The following PDE3B variants were observed in gnomAD, a reference collection of about 807,000 sequenced individuals.
The protein encoded by PDE3B is phosphodiesterase 3B.
In PDE3B, 66 loss-of-function variants were observed where a neutral mutation model predicts 116.8. The observed-to-expected ratio is 0.56, with a 90% confidence interval of 0.46 to 0.69. PDE3B has a LOEUF of 0.69. Among genes scored for constraint, PDE3B ranks in the 30% least tolerant of loss-of-function variants. The pLI is 0.00. For synonymous variants in PDE3B, 595 were observed against 533.6 expected (o/e 1.12, Z -1.59); for missense variants, 1,384 against 1,368.1 (o/e 1.01, Z -0.18).
rs1180659983 is a variant in PDE3B, at chr11:14,644,557, G to A, written c.482G>A (p.Cys161Tyr). Residue 161 changes from cysteine to tyrosine, a missense_variant, in exon 1 of 16, where the codon TGT (cysteine) becomes TAT (tyrosine). By Grantham distance (194) the Cys-to-Tyr change is radical. Coordinates refer to ENST00000282096, the MANE Select transcript of PDE3B (RefSeq NM_000922.4). ...TGGCTGCTGGCGCTGCCCGCCTGCTGTTACCTGGGGGACTTCTTGGTGTGG... is the reference window on the plus strand; with the variant it reads ...TGGCTGCTGGCGCTGCCCGCCTGCTATTACCTGGGGGACTTCTTGGTGTGG... ...SWWLLALPAC[C>Y]YLGDFLVWQW... 3 of 1,597,946 alleles carry A rather than the reference G, an allele frequency of 1.9e-6. No individual in the cohort carries two copies. Among genetic ancestry groups the A allele is most frequent in the African/African-American group, 1.3e-5 (1 of 74,536 alleles).
chr11:14,856,436 CA>C (rs1466190614), intron 12 of PDE3B, among the ~76,000 whole-genome samples: 1 of 152,136 alleles, frequency 6.6e-6, no homozygotes, highest in Non-Finnish European at 1.5e-5. Flanking sequence ...AAAAAAACAA[CA>C]AAACTAGCTG....
intron 1 of PDE3B, among the ~76,000 whole-genome samples, chr11:14,686,495 T>G (rs1158504986): frequency 6.6e-6 from 1 of 152,176 alleles, no homozygotes; most frequent in African/African-American, 2.4e-5. Flanking sequence ...CAGAGGAAAG[T>G]TTTTCCTTTG....
At chr11:14,663,712 A>G (rs866038832) in intron 1 of PDE3B, among the ~76,000 whole-genome samples, 53 of 152,226 alleles carry the variant, frequency 3.5e-4, no homozygotes, top group African/African-American at 1.1e-3. Context: ...TTCAACAAGA[A>G]GAGCTAACTA....
At chr11:14,897,188 A>G in the PDE3B span, among the ~76,000 whole-genome samples, 1 of 152,272 alleles carries the variant, frequency 6.6e-6, no homozygotes, top group Non-Finnish European at 1.5e-5. Flanking sequence ...GAGGAAGTGT[A>G]TATGTATTTT....
At chr11:14,663,375 C>G (rs933033137) in intron 1 of PDE3B, among the ~76,000 whole-genome samples, 1 of 152,184 alleles carries the variant, frequency 6.6e-6, no homozygotes, top group South Asian at 2.1e-4. Flanking sequence ...TAAAGACCAT[C>G]AAGGCTAGGA....
chr11:14,850,470 C>G (rs902161947), intron 12 of PDE3B, among the ~76,000 whole-genome samples: 1 of 151,766 alleles, frequency 6.6e-6, no homozygotes, highest in Non-Finnish European at 1.5e-5. Flanking sequence ...CACATGTACC[C>G]TAAAACTTAA....
rs1233746312 is a variant in PDE3B at position 14,703,871 on chromosome 11, G to T, written c.978+58818G>T. 1.3e-5 allele frequency among the ~76,000 whole-genome samples: 2 copies of T among 151,526 alleles called. 1 individual carries two copies. Among genetic ancestry groups the T allele is most frequent in the Non-Finnish European group, 3.0e-5 (2 of 67,736 alleles). On this transcript the variant is annotated intron_variant, in intron 1 of 15. Coordinates refer to ENST00000282096, the MANE Select transcript of PDE3B (RefSeq NM_000922.4). ...TTTTTTCAGTTAGAGTCTGTTAGTG[G>T]TAAGTTCTTTTTGTGTTTCTGGAAG...
chr11:14,675,708 G>C (rs373139342), intron 1 of PDE3B, among the ~76,000 whole-genome samples: 7 of 152,186 alleles, frequency 4.6e-5, no homozygotes, highest in African/African-American at 1.7e-4. Context: ...TATATTCAAT[G>C]AATATGTTCC....
chr11:14,858,677 A>G (rs1242380124), intron 12 of PDE3B, among the ~76,000 whole-genome samples: 1 of 152,182 alleles, frequency 6.6e-6, no homozygotes, highest in Non-Finnish European at 1.5e-5. Flanking sequence ...TAGATCCCTA[A>G]TGACTTTATT....
At chr11:14,748,642 A>T (rs1856977014) in intron 1 of PDE3B, among the ~76,000 whole-genome samples, 1 of 152,150 alleles carries the variant, frequency 6.6e-6, no homozygotes, top group South Asian at 2.1e-4. Context: ...CTGATTCTTT[A>T]ATCATTTCAA....
chr11:14,861,374 G>A lies in PDE3B; in HGVS notation c.2886+8G>A. 1 of 1,611,724 alleles carries A rather than the reference G, an allele frequency of 6.2e-7. No individual in the cohort carries two copies. Among genetic ancestry groups the A allele is most frequent in the Non-Finnish European group, 8.5e-7 (1 of 1,178,404 alleles). On this transcript the variant is annotated splice_region_variant and intron_variant, in intron 14 of 15. Coordinates refer to ENST00000282096, the MANE Select transcript of PDE3B (RefSeq NM_000922.4). ...AATGAATTTTATGAGCAGGTAAGTT[G>A]AAACCTGAGCTTGGTGGGATTTTTA...
chr11:14,825,131 C>A (rs1434098766), intron 7 of PDE3B, among the ~76,000 whole-genome samples: 1 of 152,116 alleles, frequency 6.6e-6, no homozygotes, highest in Non-Finnish European at 1.5e-5. Flanking sequence ...TAAAAGAGAT[C>A]TTGAAAAGAG....
intron 1 of PDE3B, among the ~76,000 whole-genome samples, chr11:14,728,537 T>C (rs953402253): frequency 1.1e-4 from 17 of 152,090 alleles, no homozygotes; most frequent in African/African-American, 4.1e-4. Context: ...CACAGAAGTC[T>C]TTCGAGGTAT....
chr11:14,867,779 T>C, intron 15 of PDE3B, 21 bp downstream of exon 15: 1 of 1,563,134 alleles, frequency 6.4e-7, no homozygotes, highest in Non-Finnish European at 8.8e-7. Flanking sequence ...AGGGACATTA[T>C]AATTTATTTA....
intron 4 of PDE3B, among the ~76,000 whole-genome samples, chr11:14,790,235 G>A (rs1858341175): frequency 6.6e-6 from 1 of 151,766 alleles, no homozygotes; most frequent in Non-Finnish European, 1.5e-5. Flanking sequence ...ATTGAATGAA[G>A]TGATGTCTAA....
the PDE3B span, chr11:14,891,013 A>T: frequency 1.0e-6 from 1 of 985,452 alleles, no homozygotes; most frequent in Non-Finnish European, 1.2e-6. Context: ...CCAACTCCTT[A>T]AAAGGCTGTA....
At chr11:14,671,984 T>C (rs1854380529) in intron 1 of PDE3B, among the ~76,000 whole-genome samples, 1 of 147,180 alleles carries the variant, frequency 6.8e-6, no homozygotes, top group African/African-American at 2.5e-5. Context: ...GGTACTGTAC[T>C]CCAGCCTGGG....
chr11:14,791,707 T>C (rs943390357), intron 4 of PDE3B, among the ~76,000 whole-genome samples: 1 of 152,122 alleles, frequency 6.6e-6, no homozygotes, highest in African/African-American at 2.4e-5. Flanking sequence ...CACCTTACAC[T>C]AGAAATCTTC....
the PDE3B span, among the ~76,000 whole-genome samples, chr11:14,896,107 A>G: frequency 6.6e-6 from 1 of 152,348 alleles, no homozygotes; most frequent in East Asian, 1.9e-4. Context: ...TCAGCCAACC[A>G]ATCCTTGCCA....
Sources: gnomAD v4.1 joint callset for allele counts (sites outside exome capture counted in the v4.1 genomes callset) on GRCh38, gnomAD v4.1.1 for gene constraint, MANE v1.5 for transcripts, NCBI Gene and HGNC (gene_info 2026-07-23, HGNC 2026-07-21) for gene names.